ATP8A2: variants seen among roughly 807,000 people sequenced by gnomAD.
ATP8A2 encodes the protein phospholipid-transporting ATPase IB.
Under a neutral mutation model 165.6 loss-of-function variants are expected in ATP8A2, and 100 were observed. The ratio of observed to expected loss-of-function variants is 0.60; its 90% CI spans 0.51 to 0.71. The LOEUF is 0.71. ATP8A2 is among the 30% of genes least tolerant of loss of function. The pLI, the probability that ATP8A2 is intolerant of heterozygous loss-of-function variation, is 0.00. For synonymous variants in ATP8A2, 543 were observed against 548.8 expected, an observed-to-expected ratio of 0.99 and a Z score of 0.15; for missense variants, 1,227 against 1,479.5, an observed-to-expected ratio of 0.83 and a Z score of 2.80.
At chr13:25,916,889 T>G (rs555594544) in intron 33 of ATP8A2, among the ~76,000 whole-genome samples, 1 of 152,312 alleles carries the variant, frequency 6.6e-6, no homozygotes, top group South Asian at 2.1e-4. Flanking sequence ...ATACCTCTTC[T>G]TATTACCTTG....
At chr13:25,417,158 C>T (rs1029291955) in intron 1 of ATP8A2, among the ~76,000 whole-genome samples, 1 of 151,960 alleles carries the variant, frequency 6.6e-6, no homozygotes, top group Admixed American at 6.5e-5. Context: ...CTTCTTTTGT[C>T]CCCAGTTTCC....
chr13:25,445,408 C>T (rs2035041368), intron 1 of ATP8A2, among the ~76,000 whole-genome samples: 3 of 152,180 alleles, frequency 2.0e-5, no homozygotes, highest in South Asian at 2.1e-4. Context: ...CTTGCAGCCT[C>T]GTCTCCTTTA....
At position 25,799,628 on chromosome 13, in the gene ATP8A2, A is replaced by T. The variant is rs368193314; in HGVS notation, c.2679+24669A>T. ...AGCTGTGGGCTGCAGAAGAGCCTGG[A>T]GAGAGTAGTCCCTGTGGCCTTGCCT... On this transcript the variant is annotated intron_variant, in intron 27 of 36. Transcript: ENST00000381655. 7.9e-4 allele frequency among the ~76,000 whole-genome samples: 121 copies of T among 152,306 alleles called. 1 individual carries two copies. The highest frequency in any genetic ancestry group is 3.1e-3 in the South Asian group (15 of 4,828).
chr13:25,703,904 C>T (rs541832615), intron 25 of ATP8A2, among the ~76,000 whole-genome samples: 1 of 152,186 alleles, frequency 6.6e-6, no homozygotes, highest in African/African-American at 2.4e-5. Context: ...AAATTCCACT[C>T]AATTGAAAAT....
chr13:25,398,030 T>C (rs2033489366), intron 1 of ATP8A2, among the ~76,000 whole-genome samples: 1 of 152,104 alleles, frequency 6.6e-6, no homozygotes, highest in African/African-American at 2.4e-5. Context: ...TTAGGGAGAA[T>C]AGATGGTAAA....
chr13:25,851,145 G>A (rs1382099766), intron 30 of ATP8A2, among the ~76,000 whole-genome samples: 2 of 152,168 alleles, frequency 1.3e-5, no homozygotes, highest in East Asian at 1.9e-4. Context: ...AAACTAAAAT[G>A]CAATGCTGAG....
chr13:25,554,427 C>T (rs937998876), intron 12 of ATP8A2, among the ~76,000 whole-genome samples: 6 of 151,786 alleles, frequency 4.0e-5, no homozygotes, highest in Non-Finnish European at 8.8e-5. Flanking sequence ...ACAGCAATCC[C>T]GTCAGCAAGG....
Position 25,693,284 on chromosome 13 carries a change from C to A in ATP8A2, c.2212-5889C>A, listed in dbSNP as rs368380091. ...GAACTGTTTGTGATAGTAATACCTT[C>A]AATTGGCTCGCTTGAGAACTGCACA... is the stretch of plus-strand genomic sequence containing the variant. On this transcript the variant is annotated intron_variant, in intron 24 of 36. Transcript: ENST00000381655. Among the ~76,000 whole-genome samples, 22 of 152,318 alleles carry A rather than the reference C, an allele frequency of 1.4e-4. No homozygotes were observed. In the South Asian group the frequency reaches 4.6e-3, roughly 32 times the overall value.
At chr13:25,990,698 CAG>C (rs1956373045) in intron 35 of ATP8A2, among the ~76,000 whole-genome samples, 1 of 152,216 alleles carries the variant, frequency 6.6e-6, no homozygotes, top group South Asian at 2.1e-4. Context: ...AGAATTTTAA[CAG>C]AACTTTCTGC....
intron 24 of ATP8A2, among the ~76,000 whole-genome samples, chr13:25,686,504 C>T (rs985096421): frequency 1.3e-5 from 2 of 152,076 alleles, no homozygotes; most frequent in African/African-American, 4.8e-5. Context: ...GCCAAGAGCA[C>T]GTGTGTTTAT....
chr13:25,643,614 G>C (rs2041593394), intron 24 of ATP8A2, among the ~76,000 whole-genome samples: 1 of 151,896 alleles, frequency 6.6e-6, no homozygotes, highest in African/African-American at 2.4e-5. Flanking sequence ...GCCTTCTATT[G>C]GTGAGTCTTT....
chr13:25,690,986 T>A (rs554546566), intron 24 of ATP8A2, among the ~76,000 whole-genome samples: 1 of 152,346 alleles, frequency 6.6e-6, no homozygotes, highest in South Asian at 2.1e-4. Context: ...AATTGTGCTG[T>A]GTTCATACAT....
intron 35 of ATP8A2, among the ~76,000 whole-genome samples, chr13:25,978,177 A>G (rs966466605): frequency 1.3e-5 from 2 of 152,230 alleles, no homozygotes; most frequent in African/African-American, 4.8e-5. Context: ...GAGCAGCAAT[A>G]GAAACATTTA....
At chr13:25,464,253 T>A (rs1449425253) in intron 1 of ATP8A2, among the ~76,000 whole-genome samples, 1 of 152,092 alleles carries the variant, frequency 6.6e-6, no homozygotes, top group Middle Eastern at 3.2e-3. Flanking sequence ...TCTTTAACCC[T>A]TTTTGCTTTT....
At chr13:25,558,943 G>T (rs768072331) in intron 13 of ATP8A2, 30 bp from the exon 14 acceptor site, 91 of 1,430,294 alleles carry the variant, frequency 6.4e-5, no homozygotes, top group Non-Finnish European at 7.6e-5. Context: ...AATACTTCCT[G>T]ATGTATATTT....
intron 20 of ATP8A2, among the ~76,000 whole-genome samples, chr13:25,577,458 C>T (rs2039650083): frequency 6.6e-6 from 1 of 152,100 alleles, no homozygotes; most frequent in African/African-American, 2.4e-5. Flanking sequence ...TTTGGGAAGA[C>T]AAAGTAATTT....
intron 2 of ATP8A2, among the ~76,000 whole-genome samples, chr13:25,475,002 T>A (rs1297679429): frequency 6.6e-6 from 1 of 152,102 alleles, no homozygotes; most frequent in African/African-American, 2.4e-5. Context: ...GTATTTTTAG[T>A]AGAGATGGAG....
At chr13:25,709,403 A>T (rs2043116052) in intron 25 of ATP8A2, among the ~76,000 whole-genome samples, 1 of 152,206 alleles carries the variant, frequency 6.6e-6, no homozygotes, top group Non-Finnish European at 1.5e-5. Context: ...TGGTATGAAG[A>T]TATTAGAGCT....
At chr13:25,661,046 C>A (rs78728211) in intron 24 of ATP8A2, among the ~76,000 whole-genome samples, 5,228 of 152,166 alleles carry the variant, frequency 0.034, 154 homozygotes, top group East Asian at 0.13. Context: ...GTAATGATGG[C>A]CCATTTGTGT....
Sources: gnomAD v4.1 joint callset for allele counts (sites outside exome capture counted in the v4.1 genomes callset) on GRCh38, gnomAD v4.1.1 for gene constraint, MANE v1.5 for transcripts, NCBI Gene and HGNC (gene_info 2026-07-23, HGNC 2026-07-21) for gene names.